GALNT13: variants seen among roughly 807,000 people sequenced by gnomAD.
GALNT13 encodes the protein polypeptide N-acetylgalactosaminyltransferase 13.
GALNT13 carries 28 observed loss-of-function variants against 64.2 expected under a neutral mutation model. The ratio of observed to expected loss-of-function variants is 0.44; its 90% CI spans 0.32 to 0.60. The LOEUF (loss-of-function observed/expected upper bound fraction) is 0.60. Ranked by LOEUF, GALNT13 falls within the 20% of genes least tolerant of loss-of-function variation. The probability of loss-of-function intolerance (pLI) is 0.05; values close to 1 mark genes in which losing one functional copy is unlikely to be tolerated. For synonymous variants in GALNT13, 214 were observed against 224.6 expected (o/e 0.95, Z 0.42); for missense variants, 577 against 669.8 (o/e 0.86, Z 1.53).
the GALNT13 span, among the ~76,000 whole-genome samples, chr2:153,261,867 C>T: frequency 6.6e-6 from 1 of 152,168 alleles, no homozygotes; most frequent in East Asian, 1.9e-4. Flanking sequence ...CAACTATTGC[C>T]TGGCTACCAC....
chr2:154,197,985 A>G (rs1326236837), intron 4 of GALNT13, among the ~76,000 whole-genome samples: 1 of 152,110 alleles, frequency 6.6e-6, no homozygotes, highest in Non-Finnish European at 1.5e-5. Context: ...CATCAGATTC[A>G]CACAAATTAA....
chr2:154,236,178 A>C, intron 4 of GALNT13: 1 of 1,083,608 alleles, frequency 9.2e-7, no homozygotes. Flanking sequence ...ATATGACATA[A>C]AGGTAATCTT....
chr2:154,369,048 G>T (rs1697532400), intron 9 of GALNT13, among the ~76,000 whole-genome samples: 1 of 151,860 alleles, frequency 6.6e-6, no homozygotes, highest in South Asian at 2.1e-4. Flanking sequence ...ATTTAGTCAA[G>T]ACAGATTTCT....
chr2:153,153,217 C>T, the GALNT13 span, among the ~76,000 whole-genome samples: 453 of 151,930 alleles, frequency 3.0e-3, 4 homozygotes, highest in Middle Eastern at 0.024. Flanking sequence ...GAAAAGTGTT[C>T]ATGTCCTTTG....
At chr2:153,961,073 T>A (rs955719333) in intron 3 of GALNT13, among the ~76,000 whole-genome samples, 41 of 152,304 alleles carry the variant, frequency 2.7e-4, no homozygotes, top group African/African-American at 8.7e-4. Context: ...ATATCAGTTA[T>A]ACCTCAATAA....
rs779319343 is a variant in GALNT13 at position 153,944,528 on chromosome 2, C to G, written c.31C>G (p.Leu11Val). 6.2e-7 allele frequency: 1 copy of G among 1,613,524 alleles called. No individual in the cohort carries two copies. The highest frequency in any genetic ancestry group is 1.1e-5 in the South Asian group (1 of 91,038). The stretch of plus-strand genomic sequence containing the variant: ...GAGATTTGTCTACTGCAAGGTGGTT[C>G]TAGCCACTTCGCTGATGTGGGTTCT... MRRFVYCKVVLATSLMWVLVD... is the reference protein window; with the variant it reads MRRFVYCKVVVATSLMWVLVD... The change falls in exon 3 of 13, where the codon CTA (leucine) becomes GTA (valine). Residue 11 changes from leucine (L) to valine (V), a missense_variant. By Grantham distance (32) the Leu-to-Val change is conservative. Coordinates refer to ENST00000392825, the MANE Select transcript of GALNT13 (RefSeq NM_052917.4).
chr2:153,287,056 T>C, the GALNT13 span, among the ~76,000 whole-genome samples: 1 of 152,072 alleles, frequency 6.6e-6, no homozygotes, highest in African/African-American at 2.4e-5. Flanking sequence ...AAAAAGAAAA[T>C]GAGCCAATGG....
chr2:153,576,065 C>T, the GALNT13 span, among the ~76,000 whole-genome samples: 1 of 152,100 alleles, frequency 6.6e-6, no homozygotes, highest in South Asian at 2.1e-4. Flanking sequence ...GAGCTCAGAC[C>T]TGGAATAAGG....
At chr2:153,122,678 C>T in the GALNT13 span, among the ~76,000 whole-genome samples, 10 of 152,122 alleles carry the variant, frequency 6.6e-5, no homozygotes, top group South Asian at 2.1e-4. Context: ...TCATAGAGCA[C>T]GCCTGCAGAG....
At chr2:154,273,649 C>T (rs867362545) in intron 8 of GALNT13, among the ~76,000 whole-genome samples, 1 of 152,130 alleles carries the variant, frequency 6.6e-6, no homozygotes, top group African/African-American at 2.4e-5. Flanking sequence ...CAAATACTTA[C>T]CATTGTGTTA....
At chr2:154,090,424 AT>A (rs781044176) in intron 3 of GALNT13, among the ~76,000 whole-genome samples, 102 of 152,162 alleles carry the variant, frequency 6.7e-4, no homozygotes, top group Non-Finnish European at 1.2e-3. Flanking sequence ...AGAAATTGCT[AT>A]TTTTAACAAC....
the GALNT13 span, among the ~76,000 whole-genome samples, chr2:153,803,277 A>G: frequency 3.3e-5 from 5 of 152,148 alleles, no homozygotes; most frequent in African/African-American, 9.7e-5. Flanking sequence ...CCCAAAATTT[A>G]TATGTTGAAG....
At chr2:153,132,795 C>T in the GALNT13 span, among the ~76,000 whole-genome samples, 1 of 152,100 alleles carries the variant, frequency 6.6e-6, no homozygotes, top group African/African-American at 2.4e-5. Flanking sequence ...ACATGGCTTA[C>T]TGTAGCTTCA....
the GALNT13 span, among the ~76,000 whole-genome samples, chr2:153,434,886 A>G: frequency 4.7e-4 from 71 of 152,180 alleles, no homozygotes; most frequent in Non-Finnish European, 9.0e-4. Context: ...TTGGTGTTTT[A>G]GACATGAAGT....
intron 3 of GALNT13, among the ~76,000 whole-genome samples, chr2:154,078,887 C>T (rs1701125390): frequency 1.3e-5 from 2 of 151,628 alleles, no homozygotes; most frequent in African/African-American, 4.8e-5. Flanking sequence ...CTCTGTGCCT[C>T]AGTGACTTCA....
chr2:153,593,662 G>C, the GALNT13 span, among the ~76,000 whole-genome samples: 1 of 152,152 alleles, frequency 6.6e-6, no homozygotes, highest in African/African-American at 2.4e-5. Flanking sequence ...TGGTATCAGG[G>C]TGGTGGGAAA....
the GALNT13 span, among the ~76,000 whole-genome samples, chr2:153,723,871 C>T: frequency 2.0e-5 from 3 of 150,734 alleles, no homozygotes; most frequent in African/African-American, 7.4e-5. Context: ...TGAAAATGGC[C>T]ATACTGCCCA....
intron 3 of GALNT13, among the ~76,000 whole-genome samples, chr2:154,097,095 T>A (rs2105453223): frequency 6.6e-6 from 1 of 152,186 alleles, no homozygotes; most frequent in East Asian, 1.9e-4. Flanking sequence ...AAGAAGTCTT[T>A]ATTTTTATAG....
the GALNT13 span, among the ~76,000 whole-genome samples, chr2:153,432,424 C>A: frequency 1.3e-5 from 2 of 152,132 alleles, no homozygotes; most frequent in Admixed American, 1.3e-4. Context: ...TTTCGAGCTG[C>A]ACAAATTAAT....
Sources: gnomAD v4.1 joint callset for allele counts (sites outside exome capture counted in the v4.1 genomes callset) on GRCh38, gnomAD v4.1.1 for gene constraint, MANE v1.5 for transcripts, NCBI Gene and HGNC (gene_info 2026-07-23, HGNC 2026-07-21) for gene names.